GLMN: variants seen among roughly 807,000 people sequenced by gnomAD.
GLMN encodes the protein glomulin, FKBP associated protein.
A neutral mutation model predicts 87.8 loss-of-function variants in GLMN; 75 were observed. The observed-to-expected ratio is 0.85, with a 90% CI of 0.71 to 1.04. GLMN has a LOEUF of 1.04. GLMN is among the 50% of genes least tolerant of loss of function. The pLI is 0.00. For missense variants in GLMN, 588 were observed against 658.8 expected (o/e 0.89, Z 1.18); for synonymous variants, 206 against 221.6 (o/e 0.93, Z 0.63).
rs185682792 is a variant in GLMN at position 92,248,120 on chromosome 1, T to G, written c.1474-131A>C. 254 of 632,382 alleles carry G rather than the reference T, an allele frequency of 4.0e-4. 2 individuals carry two copies. The East Asian group carries it at 6.4e-3, about 16-fold the overall frequency. The allele number at this position is 632,382 out of a possible 1,614,324, so 39.2% of individuals were successfully genotyped here. On this transcript the variant is annotated intron_variant, in intron 16 of 18. Transcript: ENST00000370360. ...GCTTTTCACAATGGACTTCACTATTTAATAATTATTACTATAGCTAGTTAT... is the reference window on the plus strand; with the variant it reads ...GCTTTTCACAATGGACTTCACTATTGAATAATTATTACTATAGCTAGTTAT...
chr1:92,294,825 C>T (rs900400479), intron 3 of GLMN, among the ~76,000 whole-genome samples: 8 of 152,116 alleles, frequency 5.3e-5, no homozygotes, highest in South Asian at 2.1e-4. Flanking sequence ...ATTACAGGGG[C>T]GCACCATCAC....
chr1:92,350,881 G>A, the GLMN span, among the ~76,000 whole-genome samples: 2 of 152,060 alleles, frequency 1.3e-5, no homozygotes, highest in Non-Finnish European at 2.9e-5. Flanking sequence ...GTAGTGAGCT[G>A]AGATGGCACC....
chr1:92,301,467 A>C, upstream of GLMN: 3 of 1,500,184 alleles, frequency 2.0e-6, no homozygotes, highest in South Asian at 2.4e-5. Context: ...TTTCTCTTTC[A>C]AATTTTAGGA....
intron 16 of GLMN, among the ~76,000 whole-genome samples, chr1:92,249,544 T>A (rs1653168472): frequency 6.6e-6 from 1 of 152,146 alleles, no homozygotes; most frequent in Non-Finnish European, 1.5e-5. Context: ...TGGGTACATG[T>A]ATTTGTTACA....
At chr1:92,253,070 C>A (rs1211692192) in intron 16 of GLMN, among the ~76,000 whole-genome samples, 1 of 152,124 alleles carries the variant, frequency 6.6e-6, no homozygotes, top group Non-Finnish European at 1.5e-5. Context: ...TCTTCTAATT[C>A]ATATAGAAGT....
intron 13 of GLMN, among the ~76,000 whole-genome samples, chr1:92,265,745 G>A (rs974876422): frequency 2.0e-5 from 3 of 152,024 alleles, no homozygotes; most frequent in Admixed American, 6.6e-5. Flanking sequence ...TGCTGCACCC[G>A]CCAAAAAAGA....
the GLMN span, chr1:92,345,742 A>G: frequency 1.5e-6 from 1 of 677,302 alleles, no homozygotes; most frequent in Non-Finnish European, 2.5e-6. Flanking sequence ...TTTTAAAAAA[A>G]AGTGCTTCTT....
chr1:92,300,059 A>T (rs1650700962), upstream of GLMN: 2 of 629,714 alleles, frequency 3.2e-6, no homozygotes, highest in Non-Finnish European at 5.6e-6. Context: ...TAAGTACTGT[A>T]GGCAACTGTA....
the GLMN span, chr1:92,304,069 G>T: frequency 6.2e-7 from 1 of 1,602,318 alleles, no homozygotes; most frequent in East Asian, 2.2e-5. Flanking sequence ...AGAAGAAGCT[G>T]GGAATTGTAA....
the GLMN span, chr1:92,336,237 C>T: frequency 1.4e-6 from 1 of 704,790 alleles, no homozygotes; most frequent in South Asian, 1.7e-5. Context: ...ATCATGACTG[C>T]TTCCATCTAA....
At chr1:92,264,989 C>T (rs2100882099) in intron 13 of GLMN, among the ~76,000 whole-genome samples, 1 of 152,176 alleles carries the variant, frequency 6.6e-6, no homozygotes, top group Non-Finnish European at 1.5e-5. Flanking sequence ...TTACAGGCGC[C>T]CGCCACCGTG....
At chr1:92,282,937 A>T (rs1377105209) in intron 7 of GLMN, among the ~76,000 whole-genome samples, 4 of 152,226 alleles carry the variant, frequency 2.6e-5, no homozygotes, top group Non-Finnish European at 1.5e-5. Flanking sequence ...AAAGAAGTTG[A>T]ATCTCTGAAT....
intron 7 of GLMN, among the ~76,000 whole-genome samples, chr1:92,273,005 AACT>A (rs1279458346): frequency 6.6e-6 from 1 of 152,242 alleles, no homozygotes; most frequent in Non-Finnish European, 1.5e-5. Flanking sequence ...AGTCACAACA[AACT>A]ACAAGAGTTA....
Position 92,291,429 on chromosome 1 carries a change from A to C in GLMN, c.274T>G (p.Leu92Val). ...TTTTGTTAACTTACCTTTACCAATA[A>C]ATCAAAGATCAAAAAATAAACTTTT... is the stretch of plus-strand genomic sequence containing the variant. Reference protein sequence around the residue: ...KRKVYFLIFDLLVKLCNPKEL... With the variant: ...KRKVYFLIFDVLVKLCNPKEL... The change falls in exon 4 of 19, where the codon TTA becomes GTA. Residue 92 changes from leucine to valine, a missense_variant. Transcript: ENST00000370360. 1.3e-6 allele frequency: 2 copies of C among 1,580,296 alleles called. No homozygotes were observed. Among genetic ancestry groups the C allele is most frequent in the Non-Finnish European group, 1.7e-6 (2 of 1,149,266 alleles).
the GLMN span, among the ~76,000 whole-genome samples, chr1:92,346,661 A>G: frequency 6.6e-6 from 1 of 152,214 alleles, no homozygotes; most frequent in Non-Finnish European, 1.5e-5. Context: ...ATTAATGTAC[A>G]TTTTTAAAAT....
At chr1:92,298,153 GT>G in intron 1 of GLMN, 124 bp from the exon 2 acceptor site, 3 of 604,970 alleles carry the variant, frequency 5.0e-6, no homozygotes, top group Non-Finnish European at 9.0e-6. Flanking sequence ...TTGTTGTTGT[GT>G]TTTTTGGTCC....
At chr1:92,257,922 TTAAAC>T (rs1557515433) in intron 16 of GLMN, among the ~76,000 whole-genome samples, 2 of 152,090 alleles carry the variant, frequency 1.3e-5, no homozygotes, top group African/African-American at 2.4e-5. Flanking sequence ...TGGGATCTAA[TTAAAC>T]TAAAGAGCTT....
the GLMN span, among the ~76,000 whole-genome samples, chr1:92,340,933 TTTTAAA>T: frequency 6.6e-6 from 1 of 152,238 alleles, no homozygotes; most frequent in Non-Finnish European, 1.5e-5. Flanking sequence ...CAAAAGTCCA[TTTTAAA>T]TTTAATCAGT....
intron 3 of GLMN, among the ~76,000 whole-genome samples, chr1:92,293,637 T>C (rs1252532702): frequency 1.3e-5 from 2 of 152,166 alleles, no homozygotes; most frequent in Non-Finnish European, 1.5e-5. Context: ...TATCACTATA[T>C]TGAAGAGATA....
Sources: allele counts gnomAD v4.1 joint callset (sites outside exome capture counted in the v4.1 genomes callset), GRCh38; gene constraint gnomAD v4.1.1; transcripts MANE v1.5; gene names NCBI Gene and HGNC (gene_info 2026-07-23, HGNC 2026-07-21).